ADAMTS18: variants seen among roughly 807,000 people sequenced by gnomAD.
The protein encoded by ADAMTS18 is ADAM metallopeptidase with thrombospondin type 1 motif 18.
In ADAMTS18, 157 loss-of-function variants were observed where a neutral mutation model predicts 165.9. That is an observed-to-expected ratio of 0.95 (90% CI 0.83 to 1.08). ADAMTS18 has a LOEUF of 1.08. Among genes scored for constraint, ADAMTS18 ranks in the 50% least tolerant of loss-of-function variants. The pLI, the probability that ADAMTS18 is intolerant of heterozygous loss-of-function variation, is 0.00. For synonymous variants in ADAMTS18, 782 were observed against 578.2 expected, an observed-to-expected ratio of 1.35 and a Z score of -5.06; for missense variants, 2,040 against 1,534.0, an observed-to-expected ratio of 1.33 and a Z score of -5.51.
chr16:77,384,516 C>G (rs182237918), intron 3 of ADAMTS18, among the ~76,000 whole-genome samples: 5 of 152,234 alleles, frequency 3.3e-5, no homozygotes, highest in African/African-American at 1.2e-4. Flanking sequence ...TCTAAGAGGA[C>G]AAAGTTAGGG....
At chr16:77,392,890 C>T (rs1597216990) in intron 3 of ADAMTS18, among the ~76,000 whole-genome samples, 1 of 152,190 alleles carries the variant, frequency 6.6e-6, no homozygotes, top group East Asian at 1.9e-4. Flanking sequence ...CTATTAAATC[C>T]TTTTCTATGC....
chr16:77,400,046 G>A (rs765065126), intron 3 of ADAMTS18, among the ~76,000 whole-genome samples: 18 of 152,172 alleles, frequency 1.2e-4, no homozygotes, highest in Non-Finnish European at 2.5e-4. Flanking sequence ...GTTAATCAAC[G>A]CCCCATAGCC....
chr16:77,331,790 T>A (rs2056193561), intron 12 of ADAMTS18, among the ~76,000 whole-genome samples: 1 of 152,162 alleles, frequency 6.6e-6, no homozygotes, highest in Non-Finnish European at 1.5e-5. Context: ...ATGTCAATAG[T>A]GCTGACATTG....
At chr16:77,400,375 C>A (rs1172638298) in intron 3 of ADAMTS18, among the ~76,000 whole-genome samples, 1 of 151,484 alleles carries the variant, frequency 6.6e-6, no homozygotes, top group Non-Finnish European at 1.5e-5. Flanking sequence ...TGGGACTACC[C>A]CTGATTAATG....
chr16:77,348,849 T>A (rs1034825922), intron 10 of ADAMTS18, among the ~76,000 whole-genome samples: 8 of 152,068 alleles, frequency 5.3e-5, no homozygotes, highest in South Asian at 4.2e-4. Flanking sequence ...AATAAGGAGG[T>A]AACACTTGAA....
chr16:77,334,692 T>C (rs1273547999), intron 12 of ADAMTS18, among the ~76,000 whole-genome samples: 1 of 93,912 alleles, frequency 1.1e-5, no homozygotes, highest in African/African-American at 4.8e-5. Flanking sequence ...TATATATATA[T>C]AGTATATATA....
chr16:77,335,758 G>A lies in ADAMTS18; in HGVS notation c.1857C>T (p.Pro619=). The change falls in exon 12 of 23, where the codon CCC becomes CCT. Residue 619 remains proline (P), a splice_region_variant and synonymous_variant. Transcript: ENST00000282849. ...CTAACTTTCTGCTGGAGGCTTACTT[G>A]GGGTTATTGCAGTGTCTCTCCTGGA... The part of the protein sequence containing the change: ...VKFQERHCNN[P]KPQYGGLFCP... The A allele has an allele frequency of 6.2e-7, 1 of 1,614,192 alleles. No individual in the cohort carries two copies. The highest frequency in any genetic ancestry group is 1.1e-5 in the South Asian group (1 of 91,086).
At chr16:77,425,835 G>A (rs1321950838) in intron 3 of ADAMTS18, among the ~76,000 whole-genome samples, 1 of 152,128 alleles carries the variant, frequency 6.6e-6, no homozygotes, top group Non-Finnish European at 1.5e-5. Context: ...CTGAGGTGAG[G>A]AGTTCAACAC....
chr16:77,417,037 C>G (rs10781984), intron 3 of ADAMTS18, among the ~76,000 whole-genome samples: 1 of 151,942 alleles, frequency 6.6e-6, no homozygotes, highest in Non-Finnish European at 1.5e-5. Context: ...CTTTAAAAAT[C>G]AGTCTCATCA....
rs1179024447 is a variant in ADAMTS18 at position 77,289,564 on chromosome 16, A to G, written c.3403-153T>C. 4 of 835,106 alleles carry G rather than the reference A, an allele frequency of 4.8e-6. No homozygotes were observed. In the East Asian group the frequency reaches 1.1e-4, roughly 22 times the overall value. 51.7% of individuals were successfully genotyped at this position (835,106 alleles called of 1,614,324 possible). ...GGCACATGTGCTTACAGTCCACAGC[A>G]TCTATCCTAACAAGTGTGATCCCTT... On this transcript the variant is annotated intron_variant, in intron 21 of 22. Coordinates refer to ENST00000282849, the MANE Select transcript of ADAMTS18 (RefSeq NM_199355.4).
chr16:77,407,831 T>A (rs771886221), intron 3 of ADAMTS18, among the ~76,000 whole-genome samples: 2 of 152,066 alleles, frequency 1.3e-5, no homozygotes, highest in Non-Finnish European at 2.9e-5. Context: ...AAATATAACT[T>A]ATAGAATTTT....
At chr16:77,400,796 A>G (rs2057321784) in intron 3 of ADAMTS18, among the ~76,000 whole-genome samples, 1 of 152,004 alleles carries the variant, frequency 6.6e-6, no homozygotes, top group African/African-American at 2.4e-5. Context: ...AGATTATGGC[A>G]GAATTTAACT....
At chr16:77,352,998 T>G (rs1426080140) in intron 10 of ADAMTS18, among the ~76,000 whole-genome samples, 1 of 152,000 alleles carries the variant, frequency 6.6e-6, no homozygotes, top group African/African-American at 2.4e-5. Flanking sequence ...GAGAATGGCA[T>G]GAACCTGGGA....
chr16:77,382,439 T>C (rs960869729), intron 3 of ADAMTS18, among the ~76,000 whole-genome samples: 13 of 152,316 alleles, frequency 8.5e-5, no homozygotes, highest in Admixed American at 2.6e-4. Context: ...CTCGATCTCC[T>C]GACCTCGTGA....
chr16:77,304,735 C>A (rs920843911), intron 16 of ADAMTS18, among the ~76,000 whole-genome samples: 1 of 152,218 alleles, frequency 6.6e-6, no homozygotes, highest in Non-Finnish European at 1.5e-5. Context: ...ACACAATTTG[C>A]TGTACATGTT....
intron 3 of ADAMTS18, among the ~76,000 whole-genome samples, chr16:77,370,163 A>C (rs1030351376): frequency 3.9e-5 from 6 of 152,200 alleles, no homozygotes; most frequent in Non-Finnish European, 8.8e-5. Context: ...CCTTTCCTCT[A>C]AGATCCAGAA....
intron 12 of ADAMTS18, among the ~76,000 whole-genome samples, chr16:77,330,679 C>A (rs2056173744): frequency 2.0e-5 from 3 of 152,166 alleles, no homozygotes; most frequent in Admixed American, 1.3e-4. Flanking sequence ...AAAGGATGTC[C>A]CTGTGTGCCT....
intron 6 of ADAMTS18, 94 bp downstream of exon 6, chr16:77,363,705 AACG>A: frequency 8.9e-7 from 1 of 1,126,738 alleles, no homozygotes; most frequent in Admixed American, 1.8e-5. Context: ...TTGAGCAGCT[AACG>A]ACTAGTACAT....
chr16:77,318,516 G>T (rs2055928063), intron 16 of ADAMTS18, among the ~76,000 whole-genome samples: 1 of 152,166 alleles, frequency 6.6e-6, no homozygotes, highest in Non-Finnish European at 1.5e-5. Flanking sequence ...TCCTAAGGTG[G>T]TTGTGGGCAT....
Sources: gnomAD v4.1 joint callset for allele counts (sites outside exome capture counted in the v4.1 genomes callset) on GRCh38, gnomAD v4.1.1 for gene constraint, MANE v1.5 for transcripts, NCBI Gene and HGNC (gene_info 2026-07-23, HGNC 2026-07-21) for gene names.